Variants in ULK4 observed in about 807,000 individuals in gnomAD.
ULK4 encodes the protein unc-51 like kinase 4.
In ULK4, 133 loss-of-function variants were observed where a neutral mutation model predicts 160.6. That is an observed-to-expected ratio of 0.83 (90% confidence interval 0.72 to 0.96). The LOEUF (loss-of-function observed/expected upper bound fraction) is 0.96, where lower values mean the gene tolerates loss of function less well. ULK4 is among the 40% of genes least tolerant of loss of function. The pLI, the probability that ULK4 is intolerant of heterozygous loss-of-function variation, is 0.00. For missense variants in ULK4, 1,580 were observed against 1,499.5 expected (o/e 1.05, Z -0.89); for synonymous variants, 534 against 539.8 (o/e 0.99, Z 0.15).
At chr3:41,338,157 C>T (rs1470697009) in intron 35 of ULK4, among the ~76,000 whole-genome samples, 2 of 152,172 alleles carry the variant, frequency 1.3e-5, no homozygotes, top group African/African-American at 2.4e-5. Flanking sequence ...AGAAAGTGCC[C>T]GCAGCTCCAA....
At chr3:41,371,809 G>C (rs1031078022) in intron 35 of ULK4, among the ~76,000 whole-genome samples, 1 of 152,046 alleles carries the variant, frequency 6.6e-6, no homozygotes, top group African/African-American at 2.4e-5. Context: ...TGAATTGACA[G>C]AAGTAGGCTT....
chr3:41,662,359 T>C (rs2035207027), intron 30 of ULK4, among the ~76,000 whole-genome samples: 1 of 152,128 alleles, frequency 6.6e-6, no homozygotes, highest in African/African-American at 2.4e-5. Context: ...TGGAAATGGA[T>C]GAGGGAAGGT....
intron 7 of ULK4, among the ~76,000 whole-genome samples, chr3:41,917,977 A>G (rs1421091569): frequency 6.6e-6 from 1 of 151,164 alleles, no homozygotes; most frequent in Non-Finnish European, 1.5e-5. Context: ...ACAGAGCAAG[A>G]CTCTGTCTCA....
rs533238487 is a variant in ULK4 at position 41,792,817 on chromosome 3, CAAAAG to C, written c.2011-2979_2011-2975del. The stretch of plus-strand genomic sequence containing the variant: ...ACACTAGTACTTGTATTTTCTGAAT[CAAAAG>C]AAAAGAAATCAAATCAAATCTGATC... On this transcript the variant is annotated intron_variant, in intron 20 of 36. Transcript: ENST00000301831. Among the ~76,000 whole-genome samples, 368 of 152,288 alleles carry C rather than the reference CAAAAG, an allele frequency of 2.4e-3. 3 individuals are homozygous for C. The highest frequency in any genetic ancestry group is 8.5e-3 in the African/African-American group (353 of 41,550).
In ULK4 at chr3:41,631,582, A is replaced by G. The variant is rs1449485252; in HGVS notation, c.3072-15865T>C. 5.3e-5 allele frequency among the ~76,000 whole-genome samples: 8 copies of G among 152,264 alleles called. No individual in the cohort carries two copies. In the South Asian group the frequency reaches 8.3e-4, roughly 16 times the overall value. ...GCAAATACTTTCCAACAGAATGGAG[A>G]TTTTAAATGTAAACAGAATAGTTTT... On this transcript the variant is annotated intron_variant, in intron 30 of 36. Coordinates refer to ENST00000301831, the MANE Select transcript of ULK4 (RefSeq NM_017886.4).
intron 34 of ULK4, among the ~76,000 whole-genome samples, chr3:41,410,130 T>C (rs528155205): frequency 1.1e-4 from 16 of 152,118 alleles, no homozygotes; most frequent in Non-Finnish European, 1.3e-4. Context: ...TGGAAACCAG[T>C]TCCTTTAAAA....
chr3:41,290,995 C>G (rs2079549330), intron 35 of ULK4, among the ~76,000 whole-genome samples: 1 of 152,170 alleles, frequency 6.6e-6, no homozygotes, highest in Non-Finnish European at 1.5e-5. Context: ...GTGAGGTTTG[C>G]TAATGGCTTC....
intron 17 of ULK4, 146 bp downstream of exon 17, chr3:41,883,728 C>A: frequency 1.4e-6 from 1 of 740,346 alleles, no homozygotes; most frequent in Non-Finnish European, 2.4e-6. Flanking sequence ...GCCTAAAGGT[C>A]TGTTGAGGTA....
At chr3:41,597,250 C>T (rs572982681) in intron 31 of ULK4, among the ~76,000 whole-genome samples, 25 of 152,288 alleles carry the variant, frequency 1.6e-4, no homozygotes, top group Admixed American at 3.9e-4. Flanking sequence ...CTTACTTGCT[C>T]TCTCGAAGCT....
chr3:41,333,329 T>C (rs2080485864), intron 35 of ULK4, among the ~76,000 whole-genome samples: 1 of 152,252 alleles, frequency 6.6e-6, no homozygotes, highest in Non-Finnish European at 1.5e-5. Flanking sequence ...TGGCAGTCAC[T>C]GCTCATTTCT....
intron 32 of ULK4, among the ~76,000 whole-genome samples, chr3:41,501,788 T>C (rs2085218855): frequency 6.6e-6 from 1 of 152,134 alleles, no homozygotes; most frequent in Non-Finnish European, 1.5e-5. Flanking sequence ...AAACTTTGTG[T>C]GTTTTAACTA....
intron 9 of ULK4, 79 bp from the exon 10 acceptor site, chr3:41,911,738 A>G: frequency 9.2e-7 from 1 of 1,086,112 alleles, no homozygotes; most frequent in South Asian, 1.4e-5. Flanking sequence ...AAGAGGTTGG[A>G]GAAGATAATT....
At chr3:41,257,171 A>G (rs773552068) in intron 35 of ULK4, among the ~76,000 whole-genome samples, 3 of 152,234 alleles carry the variant, frequency 2.0e-5, no homozygotes, top group Non-Finnish European at 2.9e-5. Flanking sequence ...CATTAGGGAA[A>G]TGCATATTAA....
intron 35 of ULK4, among the ~76,000 whole-genome samples, chr3:41,386,082 C>G (rs934090958): frequency 1.3e-5 from 2 of 152,168 alleles, no homozygotes; most frequent in African/African-American, 4.8e-5. Context: ...GCTTGCCTGT[C>G]TTGTTCTTCA....
intron 35 of ULK4, among the ~76,000 whole-genome samples, chr3:41,306,128 T>TGGG (rs1181225910): frequency 6.5e-5 from 4 of 61,072 alleles, no homozygotes; most frequent in African/African-American, 9.7e-5. Context: ...GGGAGGGAGG[T>TGGG]GGGGGGGGGG....
intron 31 of ULK4, among the ~76,000 whole-genome samples, chr3:41,569,489 C>A (rs905569363): frequency 1.3e-5 from 2 of 152,096 alleles, no homozygotes; most frequent in Non-Finnish European, 2.9e-5. Context: ...CAGTATCATA[C>A]CAGTGGACCT....
At chr3:41,422,065 GAAT>G (rs2082675968) in intron 34 of ULK4, among the ~76,000 whole-genome samples, 1 of 151,840 alleles carries the variant, frequency 6.6e-6, no homozygotes, top group Non-Finnish European at 1.5e-5. Context: ...AATCTTAGCA[GAAT>G]AATAAAGAGA....
At chr3:41,407,539 G>C (rs1459586522) in intron 34 of ULK4, among the ~76,000 whole-genome samples, 1 of 152,146 alleles carries the variant, frequency 6.6e-6, no homozygotes. Flanking sequence ...TACCAAGTGG[G>C]ATTTAGCCTA....
chr3:41,801,812 C>T (rs1273264551), intron 19 of ULK4, among the ~76,000 whole-genome samples: 3 of 151,888 alleles, frequency 2.0e-5, no homozygotes, highest in Non-Finnish European at 2.9e-5. Flanking sequence ...GATCACACCA[C>T]TGCACTCCAG....
Sources: gnomAD v4.1 joint callset for allele counts (sites outside exome capture counted in the v4.1 genomes callset) on GRCh38, gnomAD v4.1.1 for gene constraint, MANE v1.5 for transcripts, NCBI Gene and HGNC (gene_info 2026-07-23, HGNC 2026-07-21) for gene names.